Variants in ARHGEF18 observed in about 807,000 individuals in gnomAD.
ARHGEF18 encodes the protein Rho/Rac guanine nucleotide exchange factor 18.
Under a neutral mutation model 155.7 loss-of-function variants are expected in ARHGEF18, and 93 were observed. The observed-to-expected ratio is 0.60, with a 90% CI of 0.50 to 0.71. The LOEUF (loss-of-function observed/expected upper bound fraction) is 0.71. ARHGEF18 is among the 30% of genes least tolerant of loss of function. The pLI, the probability that ARHGEF18 is intolerant of heterozygous loss-of-function variation, is 0.00. For synonymous variants in ARHGEF18, 742 were observed against 753.1 expected (o/e 0.99, Z 0.24); for missense variants, 1,593 against 1,816.1 (o/e 0.88, Z 2.23).
intron 2 of ARHGEF18, among the ~76,000 whole-genome samples, chr19:7,367,854 AT>A (rs1969983543): frequency 1.3e-5 from 1 of 75,910 alleles, no homozygotes; most frequent in South Asian, 3.7e-4. Context: ...ATATATATAT[AT>A]ACACATATAT....
rs1278411913 is a variant in ARHGEF18, at chr19:7,441,723, C to T, written c.1177C>T (p.Leu393=). The change falls in exon 12 of 29, where the codon CTG becomes TTG. Residue 393 remains leucine (L), a synonymous_variant. Coordinates refer to ENST00000668164, the MANE Select transcript of ARHGEF18 (RefSeq NM_001367823.1). ...ATTTAAGCAGACAGCTGATGACTCT[C>T]TGTCCCTTACATCTCCAAACACCGA... ...LKFKQTADDS[L]SLTSPNTESI... 2.5e-6 allele frequency: 4 copies of T among 1,614,112 alleles called. No individual in the cohort carries two copies. The highest frequency in any genetic ancestry group is 2.2e-5 in the South Asian group (2 of 91,090).
intron 14 of ARHGEF18, among the ~76,000 whole-genome samples, chr19:7,445,613 T>G (rs1381370015): frequency 6.6e-6 from 1 of 152,088 alleles, no homozygotes; most frequent in Admixed American, 6.6e-5. Flanking sequence ...AGAACACTCC[T>G]TTTGCTTTTT....
chr19:7,352,804 A>G (rs1429996641), intron 1 of ARHGEF18, among the ~76,000 whole-genome samples: 2 of 136,746 alleles, frequency 1.5e-5, no homozygotes, highest in Non-Finnish European at 3.1e-5. Flanking sequence ...AAGTGCTGGA[A>G]TTACAGGTGT....
chr19:7,466,305 C>G (rs1382184633), intron 23 of ARHGEF18, among the ~76,000 whole-genome samples: 1 of 146,208 alleles, frequency 6.8e-6, no homozygotes, highest in African/African-American at 2.6e-5. Flanking sequence ...ATCACTTGAA[C>G]CAGGAAGGTG....
chr19:7,416,127 G>A (rs1972990302), intron 10 of ARHGEF18, among the ~76,000 whole-genome samples: 1 of 152,182 alleles, frequency 6.6e-6, no homozygotes, highest in African/African-American at 2.4e-5. Flanking sequence ...GCTGGGCGAG[G>A]AGGCTCATGC....
Position 7,462,106 on chromosome 19 carries a change from G to C in ARHGEF18, c.2453-46G>C. 1.2e-6 allele frequency: 2 copies of C among 1,612,526 alleles called. No homozygotes were observed. The highest frequency in any genetic ancestry group is 1.7e-6 in the Non-Finnish European group (2 of 1,179,556). ...AGTCCCCGGGGCTCAGATGATTCCA[G>C]GGAAGGCCGACCCGGCTGACTGCCA... On this transcript the variant is annotated intron_variant, in intron 20 of 28. Transcript: ENST00000668164. This position sits in a 1 kb window ranked among gnomAD's most constrained non-coding sequence, Gnocchi z 4.4.
intron 2 of ARHGEF18, among the ~76,000 whole-genome samples, chr19:7,366,668 A>T (rs1969899491): frequency 6.6e-6 from 1 of 152,206 alleles, no homozygotes; most frequent in Non-Finnish European, 1.5e-5. Flanking sequence ...AATTAGCTCC[A>T]TGAGGACAGG....
intron 17 of ARHGEF18, among the ~76,000 whole-genome samples, chr19:7,454,006 C>T (rs1300199801): frequency 1.3e-5 from 2 of 149,564 alleles, no homozygotes; most frequent in Admixed American, 1.3e-4. Flanking sequence ...TTGGTAGCAC[C>T]ATCTTGGGAG....
intron 7 of ARHGEF18, among the ~76,000 whole-genome samples, chr19:7,380,384 C>T (rs1209209913): frequency 6.6e-6 from 1 of 151,060 alleles, no homozygotes; most frequent in Non-Finnish European, 1.5e-5. Flanking sequence ...GAGGCTGAGG[C>T]AGGAGAATGG....
chr19:7,380,041 C>T (rs2145435448), intron 7 of ARHGEF18, among the ~76,000 whole-genome samples: 1 of 151,354 alleles, frequency 6.6e-6, no homozygotes, highest in African/African-American at 2.4e-5. Flanking sequence ...GTGGCACATA[C>T]CTGTAGTCCC....
intron 10 of ARHGEF18, among the ~76,000 whole-genome samples, chr19:7,425,752 C>A (rs1230852077): frequency 1.3e-5 from 2 of 151,118 alleles, no homozygotes; most frequent in Non-Finnish European, 2.9e-5. Flanking sequence ...GTAATCTCAG[C>A]ACTTTGGGAG....
chr19:7,399,836 G>A (rs967960132), intron 10 of ARHGEF18, among the ~76,000 whole-genome samples: 4 of 149,916 alleles, frequency 2.7e-5, no homozygotes, highest in South Asian at 4.2e-4. Context: ...GCAGTGGTAC[G>A]ATCACAGCTC....
intron 10 of ARHGEF18, among the ~76,000 whole-genome samples, chr19:7,389,913 GAT>G (rs1420706813): frequency 6.6e-6 from 1 of 152,120 alleles, no homozygotes; most frequent in Non-Finnish European, 1.5e-5. Context: ...TGAAAGAAAT[GAT>G]GTGGGGCCGG....
At chr19:7,414,995 A>T (rs12979585) in intron 10 of ARHGEF18, among the ~76,000 whole-genome samples, 83,971 of 151,782 alleles carry the variant, frequency 0.55, 23,665 homozygotes, top group Middle Eastern at 0.75. Flanking sequence ...ATTCCATCTC[A>T]AAATAAATAA....
At chr19:7,398,699 A>AG (rs1568297960) in intron 10 of ARHGEF18, among the ~76,000 whole-genome samples, 2 of 148,860 alleles carry the variant, frequency 1.3e-5, no homozygotes, top group African/African-American at 5.2e-5. Flanking sequence ...TCAAAAAAAA[A>AG]AAAAAAAATA....
intron 11 of ARHGEF18, among the ~76,000 whole-genome samples, chr19:7,441,403 C>G (rs1197728294): frequency 6.6e-6 from 1 of 152,102 alleles, no homozygotes; most frequent in Non-Finnish European, 1.5e-5. Flanking sequence ...TGGTCTCGAA[C>G]TCCTGACCTC....
At chr19:7,474,088 C>A (rs573760156), downstream of ARHGEF18, among the ~76,000 whole-genome samples, 1 of 151,978 alleles carries the variant, frequency 6.6e-6, no homozygotes, top group South Asian at 2.1e-4. Context: ...CCTGTAATCC[C>A]AGCACTTTGG....
In ARHGEF18 at chr19:7,462,852, T is replaced by C. The variant is rs1976371659; in HGVS notation, c.2635+518T>C. 6.7e-6 allele frequency among the ~76,000 whole-genome samples: 1 copy of C among 149,450 alleles called. No homozygotes were observed. The highest frequency in any genetic ancestry group is 2.5e-5 in the African/African-American group (1 of 40,718). ...TTTTCTTTTCTTTTTTTTTTTTTTT[T>C]TTGAGATGGAGTCTCGCTTTGTCAC... On this transcript the variant is annotated intron_variant, in intron 21 of 28. Transcript: ENST00000668164. This position sits in a 1 kb window ranked among gnomAD's most constrained non-coding sequence, Gnocchi z 4.4.
intron 10 of ARHGEF18, among the ~76,000 whole-genome samples, chr19:7,437,729 T>G (rs990469889): frequency 5.3e-5 from 8 of 149,878 alleles, no homozygotes; most frequent in Non-Finnish European, 1.2e-4. Flanking sequence ...CGGCAACCTC[T>G]GCCTCCCGGG....
Sources: gnomAD v4.1 joint callset for allele counts (sites outside exome capture counted in the v4.1 genomes callset) on GRCh38, gnomAD v4.1.1 for gene constraint, Gnocchi (gnomAD v3.1) non-coding constraint, MANE v1.5 for transcripts, NCBI Gene and HGNC (gene_info 2026-07-23, HGNC 2026-07-21) for gene names.